Variants in PHKA1 observed in about 807,000 individuals in gnomAD.
The protein encoded by PHKA1 is phosphorylase kinase regulatory subunit alpha 1, also known as phosphorylase b kinase regulatory subunit alpha, skeletal muscle isoform.
Under a neutral mutation model 110.2 loss-of-function variants are expected in PHKA1, and 60 were observed. The observed-to-expected ratio is 0.54, with a 90% CI of 0.44 to 0.68. The LOEUF is 0.68. PHKA1 is among the 30% of genes least tolerant of loss of function. The pLI is 0.00. For missense variants in PHKA1, 801 were observed against 942.5 expected, an observed-to-expected ratio of 0.85 and a Z score of 1.97; for synonymous variants, 316 against 333.6, an observed-to-expected ratio of 0.95 and a Z score of 0.58.
chrX:72,601,872 G>A (rs1281108630), intron 28 of PHKA1, 119 bp downstream of exon 28: 6 of 552,343 alleles, frequency 1.1e-5, no homozygotes, highest in Admixed American at 5.5e-5. Context: ...TTATAAAGGC[G>A]ATTCAAACAA....
At chrX:72,636,127 C>G (rs1363293188) in intron 15 of PHKA1, 150 bp downstream of exon 15, 2 of 476,000 alleles carry the variant, frequency 4.2e-6, no homozygotes, top group Non-Finnish European at 3.8e-6. Flanking sequence ...CAATTCAGTT[C>G]AACTCTATAA....
rs1405957788 is a variant in PHKA1 at position 72,580,526 on chromosome X, A to C, written c.*476T>G. ...AGAATAGGTAATTCTAATTTATAGC[A>C]GCATAAATATTTAACAATTTAGAGT... On this transcript the variant is annotated 3_prime_UTR_variant, in exon 32 of 32. Coordinates refer to ENST00000373542, the MANE Select transcript of PHKA1 (RefSeq NM_002637.4). 8.0e-6 allele frequency: 1 copy of C among 125,163 alleles called. No individual in the cohort carries two copies. Among genetic ancestry groups the C allele is most frequent in the East Asian group, 2.3e-4 (1 of 4,384 alleles). The allele number at this position is 125,163 out of a possible 1,213,427, so 10.3% of individuals were successfully genotyped here. A position where few individuals can be genotyped will look rare whatever the true frequency, so the allele number is the denominator to read the frequency against.
chrX:72,624,095 G>A (rs1556281146), intron 17 of PHKA1, among the ~76,000 whole-genome samples: 1 of 111,767 alleles, frequency 8.9e-6, no homozygotes, highest in African/African-American at 3.3e-5. Flanking sequence ...AGGATATGCA[G>A]AAACCTGGCA....
At chrX:72,700,753 T>C (rs1556329161) in intron 3 of PHKA1, among the ~76,000 whole-genome samples, 1 of 111,591 alleles carries the variant, frequency 9.0e-6, no homozygotes, top group Non-Finnish European at 1.9e-5. Context: ...ATAGGTGCTC[T>C]TAAATGCAGG....
At chrX:72,710,357 A>G (rs924540364) in intron 2 of PHKA1, among the ~76,000 whole-genome samples, 1 of 111,930 alleles carries the variant, frequency 8.9e-6, no homozygotes, top group Non-Finnish European at 1.9e-5. Flanking sequence ...GAATTTGAGT[A>G]TGCAGAGATT....
In PHKA1 at chrX:72,639,067, T is replaced by C. The variant is rs782493085; in HGVS notation, c.1460-2681A>G. On this transcript the variant is annotated intron_variant, in intron 14 of 31. Coordinates refer to ENST00000373542, the MANE Select transcript of PHKA1 (RefSeq NM_002637.4). ...TGACAGCCCAATACAAGCTATTTCA[T>C]CACAGCTGGAAGCTGAAAGTCTACC... Among the ~76,000 whole-genome samples the C allele has an allele frequency of 1.7e-4, 19 of 112,380 alleles. No homozygotes were observed. In the East Asian group the frequency reaches 3.9e-3, roughly 23 times the overall value.
At position 72,666,174 on chromosome X, in the gene PHKA1, G is replaced by A; in HGVS notation, c.841C>T (p.Gln281Ter). 8.3e-7 allele frequency: 1 copy of A among 1,211,071 alleles called. No homozygotes were observed. The highest frequency in any genetic ancestry group is 1.1e-6 in the Non-Finnish European group (1 of 894,975). ...ACCTGAAGCTTGGTGATGATTTCCT[G>A]TTTTGTGAGCTCCACCAACTGGCTA... ...EDSQLVELTKQEIITKLQGRY... is the reference protein window; with the variant it reads ...EDSQLVELTK The change falls in exon 8 of 32, where the codon CAG (glutamine) becomes TAG (stop). Residue 281 changes from glutamine to a stop codon, truncating the protein, a stop_gained. Transcript: ENST00000373542. LOFTEE classifies it high-confidence loss of function.
rs373188520 is a variant in PHKA1, at chrX:72,652,524, G to T, written c.1245+20C>A. 79 of 910,374 alleles carry T rather than the reference G, an allele frequency of 8.7e-5. No homozygotes were observed. The highest frequency in any genetic ancestry group is 1.0e-4 in the Non-Finnish European group (64 of 622,573). The allele number at this position is 910,374 out of a possible 1,213,427, so 75.0% of individuals were successfully genotyped here. On this transcript the variant is annotated intron_variant, in intron 12 of 31. Transcript: ENST00000373542. ...ACTTAAGGCAGAAAAAAGTGGGACA[G>T]CCTTGAAGATTCCTCTTACCTCTGC... is the stretch of plus-strand genomic sequence containing the variant.
chrX:72,599,692 G>T (rs1394680406), intron 28 of PHKA1: 6 of 365,858 alleles, frequency 1.6e-5, no homozygotes, highest in African/African-American at 1.3e-4. Context: ...ATATGAAATT[G>T]CTTTATACTT....
intron 8 of PHKA1, 148 bp from the exon 9 acceptor site, chrX:72,657,789 A>G (rs2053514401): frequency 4.4e-6 from 2 of 453,050 alleles, no homozygotes; most frequent in Non-Finnish European, 3.8e-6. Context: ...CTATAATAAT[A>G]TAATAATGCT....
chrX:72,714,122 C>A lies in PHKA1; in HGVS notation c.-242G>T. ...AGCACTGGCTTCCCGCGGTCTAGAGCCCCGCCGCAGCGCCCCAGGCGCCGC... is the reference window on the plus strand; with the variant it reads ...AGCACTGGCTTCCCGCGGTCTAGAGACCCGCCGCAGCGCCCCAGGCGCCGC... On this transcript the variant is annotated 5_prime_UTR_variant, in exon 1 of 32. Coordinates refer to ENST00000373542, the MANE Select transcript of PHKA1 (RefSeq NM_002637.4). 2.4e-6 allele frequency: 1 copy of A among 412,046 alleles called. No individual in the cohort carries two copies. The highest frequency in any genetic ancestry group is 3.4e-5 in the South Asian group (1 of 29,844). The allele number at this position is 412,046 out of a possible 1,213,427, so 34.0% of individuals were successfully genotyped here. A position where few individuals can be genotyped will look rare whatever the true frequency, so the allele number is the denominator to read the frequency against.
intron 2 of PHKA1, among the ~76,000 whole-genome samples, 185 bp from the exon 3 acceptor site, chrX:72,705,430 C>T (rs1391286025): frequency 8.9e-6 from 1 of 112,066 alleles, no homozygotes; most frequent in Non-Finnish European, 1.9e-5. Flanking sequence ...GAATCAAAAG[C>T]TACACTTTAT....
chrX:72,672,032 T>A (rs1461014396), intron 6 of PHKA1, among the ~76,000 whole-genome samples: 1 of 112,435 alleles, frequency 8.9e-6, no homozygotes, highest in Non-Finnish European at 1.9e-5. Flanking sequence ...CTGTTTTATA[T>A]ATCCTTTGAG....
At chrX:72,687,585 C>T (rs1478711953) in intron 4 of PHKA1, among the ~76,000 whole-genome samples, 13 of 110,994 alleles carry the variant, frequency 1.2e-4, no homozygotes, top group Non-Finnish European at 2.3e-4. Context: ...AGCTCAAATG[C>T]TATCTCCTCT....
At chrX:72,678,302 G>A (rs782737361) in intron 5 of PHKA1, among the ~76,000 whole-genome samples, 8 of 111,391 alleles carry the variant, frequency 7.2e-5, no homozygotes, top group Non-Finnish European at 1.5e-4. Context: ...AAACAGACAT[G>A]TGCAAATGTG....
In PHKA1 at chrX:72,591,532, C is replaced by T. The variant is rs986924151; in HGVS notation, c.3243+1572G>A. On this transcript the variant is annotated intron_variant, in intron 29 of 31. Coordinates refer to ENST00000373542, the MANE Select transcript of PHKA1 (RefSeq NM_002637.4). Reference sequence around the variant, plus strand: ...CTATGTAACGAGCTTGCACATTGTGCTCATGTACCCTAGAACTTAAAGTAT... The same window carrying T: ...CTATGTAACGAGCTTGCACATTGTGTTCATGTACCCTAGAACTTAAAGTAT... Among the ~76,000 whole-genome samples the T allele has an allele frequency of 1.0e-4, 11 of 110,233 alleles. 1 individual carries two copies. The highest frequency in any genetic ancestry group is 9.3e-3 in the Middle Eastern group (2 of 215).
chrX:72,670,288 T>C (rs2053673956), intron 6 of PHKA1, among the ~76,000 whole-genome samples: 1 of 111,767 alleles, frequency 8.9e-6, no homozygotes. Context: ...CTTTGTCAGA[T>C]GAGTAGGTTG....
chrX:72,669,970 T>C (rs1333352558), intron 6 of PHKA1, among the ~76,000 whole-genome samples: 1 of 111,105 alleles, frequency 9.0e-6, no homozygotes, highest in African/African-American at 3.3e-5. Flanking sequence ...ACTTCCACAA[T>C]GGTTGAACTA....
chrX:72,609,623 C>T lies in PHKA1; in HGVS notation c.2606+1G>A, dbSNP rs373517016. On this transcript the variant is annotated splice_donor_variant, in intron 23 of 31. Transcript: ENST00000373542. LOFTEE classifies it high-confidence loss of function. Reference sequence around the variant, plus strand: ...GCCTGACCAAACCCAGCCATACTCACGCAGAGATAGTCTTTTCTCGAGGTT... The same window carrying T: ...GCCTGACCAAACCCAGCCATACTCATGCAGAGATAGTCTTTTCTCGAGGTT... 1.3e-5 allele frequency: 16 copies of T among 1,188,626 alleles called. 1 individual carries two copies. The highest frequency in any genetic ancestry group is 3.5e-5 in the African/African-American group (2 of 56,734).
Sources: gnomAD v4.1 joint callset for allele counts (sites outside exome capture counted in the v4.1 genomes callset) on GRCh38, gnomAD v4.1.1 for gene constraint, MANE v1.5 for transcripts, NCBI Gene and HGNC (gene_info 2026-07-23, HGNC 2026-07-21) for gene names.